Variants in ZMAT4 observed in about 807,000 individuals in gnomAD.
The protein encoded by ZMAT4 is zinc finger matrin-type protein 4.
ZMAT4 carries 17 observed loss-of-function variants against 28.7 expected under a neutral mutation model. The observed-to-expected ratio is 0.59, with a 90% CI of 0.41 to 0.89. ZMAT4 has a LOEUF of 0.89. ZMAT4 is among the 40% of genes least tolerant of loss of function. The pLI is 0.00. For synonymous variants in ZMAT4, 117 were observed against 109.2 expected, an observed-to-expected ratio of 1.07 and a Z score of -0.44; for missense variants, 240 against 283.8, an observed-to-expected ratio of 0.85 and a Z score of 1.11.
At chr8:40,786,217 T>A (rs1166114393) in intron 2 of ZMAT4, among the ~76,000 whole-genome samples, 1 of 152,208 alleles carries the variant, frequency 6.6e-6, no homozygotes, top group Non-Finnish European at 1.5e-5. Context: ...CAATCCAATT[T>A]CTGGTATTTC....
At chr8:40,897,114 C>G (rs1462270590) in intron 1 of ZMAT4, among the ~76,000 whole-genome samples, 1 of 151,962 alleles carries the variant, frequency 6.6e-6, no homozygotes, top group Non-Finnish European at 1.5e-5. Flanking sequence ...CCCACCAGGT[C>G]AAACAGAATA....
chr8:40,654,390 A>G (rs1807825556), intron 5 of ZMAT4, among the ~76,000 whole-genome samples: 2 of 152,174 alleles, frequency 1.3e-5, no homozygotes, highest in African/African-American at 4.8e-5. Context: ...AGCATCACAT[A>G]CATAAAGCTC....
At chr8:40,656,570 T>C (rs2118839215) in intron 5 of ZMAT4, among the ~76,000 whole-genome samples, 2 of 152,186 alleles carry the variant, frequency 1.3e-5, no homozygotes, top group South Asian at 4.1e-4. Context: ...ACAAAAAGTG[T>C]ACCTACATAA....
At chr8:40,800,211 ATAGACC>A (rs1814778804) in intron 2 of ZMAT4, among the ~76,000 whole-genome samples, 2 of 152,248 alleles carry the variant, frequency 1.3e-5, no homozygotes, top group Admixed American at 6.5e-5. Flanking sequence ...CTTAAAGTGT[ATAGACC>A]TAATAACAAG....
At chr8:40,650,024 G>A (rs1325654048) in intron 5 of ZMAT4, among the ~76,000 whole-genome samples, 2 of 151,732 alleles carry the variant, frequency 1.3e-5, no homozygotes, top group Non-Finnish European at 2.9e-5. Context: ...AACTAGAAAA[G>A]CAAAAGCAAA....
chr8:40,597,551 C>G (rs1409301041), intron 5 of ZMAT4, among the ~76,000 whole-genome samples: 1 of 152,230 alleles, frequency 6.6e-6, no homozygotes, highest in Non-Finnish European at 1.5e-5. Flanking sequence ...ACCTCAACCC[C>G]AGGCCCTGTT....
chr8:40,759,926 C>A (rs1812857032), intron 3 of ZMAT4, among the ~76,000 whole-genome samples: 2 of 152,274 alleles, frequency 1.3e-5, no homozygotes, highest in South Asian at 4.2e-4. Context: ...AATTCCCATT[C>A]TTCAGCTCAT....
intron 5 of ZMAT4, among the ~76,000 whole-genome samples, chr8:40,650,343 C>T (rs1051825711): frequency 3.4e-5 from 5 of 148,544 alleles, no homozygotes; most frequent in African/African-American, 4.9e-5. Context: ...GGATAAATTC[C>T]TCGACACATA....
intron 5 of ZMAT4, among the ~76,000 whole-genome samples, chr8:40,581,645 T>C (rs1767518542): frequency 6.6e-6 from 1 of 152,180 alleles, no homozygotes; most frequent in Non-Finnish European, 1.5e-5. Flanking sequence ...CCTAATTCCT[T>C]TCCACTCTAC....
Position 40,737,116 on chromosome 8 carries a change from T to C in ZMAT4, c.192+30525A>G, listed in dbSNP as rs150473667. ...CAAATAAAACAACACAGAGAGCACATTTAGAGCAGGCTTGTCCAACCCATG... is the reference window on the plus strand; with the variant it reads ...CAAATAAAACAACACAGAGAGCACACTTAGAGCAGGCTTGTCCAACCCATG... On this transcript the variant is annotated intron_variant, in intron 3 of 6. Coordinates refer to ENST00000297737, the MANE Select transcript of ZMAT4 (RefSeq NM_024645.3). Among the ~76,000 whole-genome samples the C allele has an allele frequency of 1.7e-3, 266 of 152,314 alleles. 1 individual carries two copies. The highest frequency in any genetic ancestry group is 6.1e-3 in the African/African-American group (253 of 41,574).
intron 5 of ZMAT4, among the ~76,000 whole-genome samples, chr8:40,589,599 T>C (rs1360686608): frequency 1.3e-5 from 2 of 152,158 alleles, no homozygotes; most frequent in Non-Finnish European, 2.9e-5. Flanking sequence ...CCAGACTCCA[T>C]AGGGTTTGTA....
chr8:40,840,155 C>T (rs1394119777), intron 1 of ZMAT4, among the ~76,000 whole-genome samples: 1 of 152,188 alleles, frequency 6.6e-6, no homozygotes, highest in Non-Finnish European at 1.5e-5. Flanking sequence ...GCTGAGAATA[C>T]AGTTGGCACT....
intron 4 of ZMAT4, among the ~76,000 whole-genome samples, chr8:40,678,332 G>C (rs1165939219): frequency 6.6e-6 from 1 of 152,114 alleles, no homozygotes; most frequent in Admixed American, 6.5e-5. Context: ...TAAAATAGTA[G>C]CTAACATTAT....
At chr8:40,556,249 T>C (rs1803530386) in intron 6 of ZMAT4, among the ~76,000 whole-genome samples, 1 of 152,198 alleles carries the variant, frequency 6.6e-6, no homozygotes, top group African/African-American at 2.4e-5. Flanking sequence ...CTTAACTTAT[T>C]GTGTGCTTCT....
chr8:40,643,870 G>A (rs1807174087), intron 5 of ZMAT4, among the ~76,000 whole-genome samples: 4 of 151,226 alleles, frequency 2.6e-5, no homozygotes, highest in African/African-American at 9.7e-5. Flanking sequence ...AATAATTTTA[G>A]TAAGGATGCA....
At chr8:40,701,506 ATTTTTTTTT>A (rs58912869) in intron 3 of ZMAT4, among the ~76,000 whole-genome samples, 1 of 73,888 alleles carries the variant, frequency 1.4e-5, no homozygotes, top group Non-Finnish European at 2.5e-5. Context: ...ACTATGCAGA[ATTTTTTTTT>A]TTTTTTTTTT....
intron 2 of ZMAT4, among the ~76,000 whole-genome samples, chr8:40,768,486 A>G (rs1048752919): frequency 1.3e-5 from 2 of 152,172 alleles, no homozygotes; most frequent in Admixed American, 1.3e-4. Context: ...TCACGTTTAA[A>G]GAATACAGTC....
At chr8:40,727,160 C>CT (rs1386751794) in intron 3 of ZMAT4, among the ~76,000 whole-genome samples, 1 of 152,120 alleles carries the variant, frequency 6.6e-6, no homozygotes, top group Non-Finnish European at 1.5e-5. Context: ...CACTCAGGTT[C>CT]TTTTTTATCT....
chr8:40,732,948 C>T (rs1446439942), intron 3 of ZMAT4, among the ~76,000 whole-genome samples: 3 of 146,110 alleles, frequency 2.1e-5, no homozygotes, highest in South Asian at 4.3e-4. Context: ...TGGGCTCAAG[C>T]GACCCTCTCA....
Sources: allele counts gnomAD v4.1 joint callset (sites outside exome capture counted in the v4.1 genomes callset), GRCh38; gene constraint gnomAD v4.1.1; transcripts MANE v1.5; gene names NCBI Gene and HGNC (gene_info 2026-07-23, HGNC 2026-07-21).